Variants in SH3PXD2A observed in about 807,000 individuals in gnomAD.
The protein encoded by SH3PXD2A is SH3 and PX domain-containing protein 2A.
A neutral mutation model predicts 115.2 loss-of-function variants in SH3PXD2A; 32 were observed. That is an observed-to-expected ratio of 0.28 (90% confidence interval 0.21 to 0.37). SH3PXD2A has a LOEUF of 0.37. Ranked by LOEUF, SH3PXD2A falls within the 10% of genes least tolerant of loss-of-function variation. The probability of loss-of-function intolerance (pLI) is 1.00; values close to 1 mark genes in which losing one functional copy is unlikely to be tolerated. For missense variants in SH3PXD2A, 1,328 were observed against 1,498.7 expected (o/e 0.89, Z 1.88); for synonymous variants, 610 against 629.1 (o/e 0.97, Z 0.45).
intron 1 of SH3PXD2A, among the ~76,000 whole-genome samples, chr10:103,823,809 G>A (rs975568735): frequency 6.6e-6 from 1 of 152,202 alleles, no homozygotes; most frequent in Non-Finnish European, 1.5e-5. Flanking sequence ...GGGAGGCAGG[G>A]AGGTGCCTGC....
intron 3 of SH3PXD2A, among the ~76,000 whole-genome samples, chr10:103,758,929 T>A (rs921439935): frequency 6.6e-6 from 1 of 152,174 alleles, no homozygotes; most frequent in Non-Finnish European, 1.5e-5. Context: ...TCAACCTCTC[T>A]TCCTTGGGGG....
In SH3PXD2A at chr10:103,668,506, C is replaced by G. The variant is rs937215309; in HGVS notation, c.472+102G>C. On this transcript the variant is annotated intron_variant, in intron 7 of 14. Transcript: ENST00000369774. ...CTGCCATGCTGGCAAACAGCTGCTG[C>G]ACATCACAGGGAAGCATGCGCAGGG... is the stretch of plus-strand genomic sequence containing the variant. The G allele has an allele frequency of 4.0e-6, 4 of 1,012,264 alleles. No individual in the cohort carries two copies. In the African/African-American group the frequency reaches 6.4e-5, roughly 16 times the overall value. 62.7% of individuals were successfully genotyped at this position (1,012,264 alleles called of 1,614,324 possible). A position where few individuals can be genotyped will look rare whatever the true frequency, so the allele number is the denominator to read the frequency against.
Position 103,622,559 on chromosome 10 carries a change from G to A in SH3PXD2A, c.719-6C>T. On this transcript the variant is annotated splice_polypyrimidine_tract_variant and splice_region_variant and intron_variant, in intron 9 of 14. Transcript: ENST00000369774. ...GGCCTTGCGTCTCTTGGACACTGGTGTGGGAGATGGCGATGGAGCATGCGG... is the reference window on the plus strand; with the variant it reads ...GGCCTTGCGTCTCTTGGACACTGGTATGGGAGATGGCGATGGAGCATGCGG... The A allele has an allele frequency of 6.5e-7, 1 of 1,546,922 alleles. No homozygotes were observed. The highest frequency in any genetic ancestry group is 8.7e-7 in the Non-Finnish European group (1 of 1,143,854).
chr10:103,667,383 G>C (rs1396471281), intron 7 of SH3PXD2A, among the ~76,000 whole-genome samples: 1 of 152,176 alleles, frequency 6.6e-6, no homozygotes, highest in Non-Finnish European at 1.5e-5. Flanking sequence ...TCCCAGGCTG[G>C]ACTGGGACTG....
chr10:103,789,295 G>A (rs2039011080), intron 2 of SH3PXD2A, among the ~76,000 whole-genome samples: 1 of 152,162 alleles, frequency 6.6e-6, no homozygotes. Flanking sequence ...TACATCCTGG[G>A]CTGCCCACTT....
In SH3PXD2A at chr10:103,602,423, C is replaced by G; in HGVS notation, c.2795G>C (p.Arg932Pro). 6.2e-7 allele frequency: 1 copy of G among 1,614,140 alleles called. No individual in the cohort carries two copies. Among genetic ancestry groups the G allele is most frequent in the Non-Finnish European group, 8.5e-7 (1 of 1,180,020 alleles). Residue 932 changes from arginine (R) to proline (P), a missense_variant, in exon 15 of 15, where the codon CGC becomes CCC. By Grantham distance (103) the Arg-to-Pro change is moderately radical. Coordinates refer to ENST00000369774, the MANE Select transcript of SH3PXD2A (RefSeq NM_001394015.1). ...GTTGACGGTGTTCAGTGCTTGGACG[C>G]GCCTCTCGATCTTCTCCAGGCTGTC... ...KSDSLEKIERRVQALNTVNQS... is the reference protein window; with the variant it reads ...KSDSLEKIERPVQALNTVNQS...
At chr10:103,835,363 G>A (rs1008734893) in intron 1 of SH3PXD2A, among the ~76,000 whole-genome samples, 14 of 152,194 alleles carry the variant, frequency 9.2e-5, no homozygotes, top group African/African-American at 1.9e-4. Context: ...TCACAATGAC[G>A]AAATGTCCAC....
intron 5 of SH3PXD2A, among the ~76,000 whole-genome samples, chr10:103,705,612 G>C (rs1254875947): frequency 6.6e-6 from 1 of 152,156 alleles, no homozygotes; most frequent in Non-Finnish European, 1.5e-5. Flanking sequence ...GCTTGTGAGG[G>C]ATACAGATGG....
chr10:103,709,589 A>G (rs974677401), intron 5 of SH3PXD2A, among the ~76,000 whole-genome samples: 15 of 152,218 alleles, frequency 9.9e-5, no homozygotes, highest in African/African-American at 3.4e-4. Context: ...AACAATAGTA[A>G]CAACTGGTAC....
chr10:103,602,243 T>A lies in SH3PXD2A; in HGVS notation c.2975A>T (p.Asn992Ile), dbSNP rs764743915. 5.6e-6 allele frequency: 9 copies of A among 1,609,614 alleles called. No individual in the cohort carries two copies. The Admixed American group carries it at 1.5e-4, about 27-fold the overall frequency. The stretch of plus-strand genomic sequence containing the variant: ...ATTCCTCCGCAGGGCGCAGGACAGG[T>A]TGTTGTCCTTGGGTGGCGGGGACAC... ...VFVSPPPKDN[N>I]LSCALRRNES... The change falls in exon 15 of 15, where the codon AAC (asparagine) becomes ATC (isoleucine). Residue 992 changes from asparagine (N) to isoleucine (I), a missense_variant. By Grantham distance (149) the Asn-to-Ile change is moderately radical. Transcript: ENST00000369774.
At chr10:103,607,090 G>A (rs1440919675) in intron 13 of SH3PXD2A, among the ~76,000 whole-genome samples, 2 of 151,612 alleles carry the variant, frequency 1.3e-5, no homozygotes, top group African/African-American at 4.9e-5. Flanking sequence ...AGGAAGTGAG[G>A]AGCGTCTCTG....
rs371394208 is a variant in SH3PXD2A, at chr10:103,751,804, G to C, written c.229+15290C>G. On this transcript the variant is annotated intron_variant, in intron 3 of 14. Transcript: ENST00000369774. Reference sequence around the variant, plus strand: ...GTTTCTAGAGTCCAGAAAGAGAGAGGGTTTCTCCAAGCCCACTGGCAAGTT... The same window carrying C: ...GTTTCTAGAGTCCAGAAAGAGAGAGCGTTTCTCCAAGCCCACTGGCAAGTT... Among the ~76,000 whole-genome samples, 10 of 152,270 alleles carry C rather than the reference G, an allele frequency of 6.6e-5. No homozygotes were observed. The East Asian group carries it at 1.5e-3, about 24-fold the overall frequency.
At chr10:103,773,238 A>G (rs1433150732) in intron 2 of SH3PXD2A, among the ~76,000 whole-genome samples, 1 of 150,678 alleles carries the variant, frequency 6.6e-6, no homozygotes, top group African/African-American at 2.4e-5. Flanking sequence ...AAAAAAAAAA[A>G]AAAGAGAAAA....
Position 103,596,663 on chromosome 10 carries a change from A to ACACACACTCTCTCTCTCTCT in SH3PXD2A, c.*5152_*5153insAGAGAGAGAGAGAGTGTGTG. ...CACACACACACACACACACACACAC[A>ACACACACTCTCTCTCTCTCT]CTCTCTCTCTCTCTCTCTCTCTCAC... On this transcript the variant is annotated 3_prime_UTR_variant, in exon 15 of 15. Transcript: ENST00000369774. The ACACACACTCTCTCTCTCTCT allele has an allele frequency of 4.1e-4, 51 of 124,502 alleles. No homozygotes were observed. The highest frequency in any genetic ancestry group is 1.3e-3 in the African/African-American group (42 of 31,748). The allele number at this position is 124,502 out of a possible 1,614,324, so 7.7% of individuals were successfully genotyped here.
At chr10:103,840,388 C>A (rs1461587712) in intron 1 of SH3PXD2A, among the ~76,000 whole-genome samples, 1 of 152,178 alleles carries the variant, frequency 6.6e-6, no homozygotes, top group Non-Finnish European at 1.5e-5. Flanking sequence ...GCCACATACA[C>A]CAAGCCCACC....
intron 4 of SH3PXD2A, among the ~76,000 whole-genome samples, chr10:103,730,232 CTTT>C (rs67561170): frequency 0.18 from 21,332 of 118,188 alleles, 1,924 homozygotes; most frequent in African/African-American, 0.3. Flanking sequence ...TTTCTCGTTT[CTTT>C]TTTTTTTTTT....
At chr10:103,651,105 G>A (rs1413981382) in intron 8 of SH3PXD2A, among the ~76,000 whole-genome samples, 1 of 152,216 alleles carries the variant, frequency 6.6e-6, no homozygotes, top group South Asian at 2.1e-4. Flanking sequence ...GTCTTCCTTA[G>A]GGGGTTTGTG....
At chr10:103,680,407 T>C (rs1004686907) in intron 6 of SH3PXD2A, among the ~76,000 whole-genome samples, 1 of 151,966 alleles carries the variant, frequency 6.6e-6, no homozygotes, top group Admixed American at 6.6e-5. Context: ...CCCTCCCGAG[T>C]AGCTGAAACC....
chr10:103,697,927 TG>T (rs1031984497), intron 5 of SH3PXD2A, among the ~76,000 whole-genome samples: 1 of 152,124 alleles, frequency 6.6e-6, no homozygotes, highest in Non-Finnish European at 1.5e-5. Flanking sequence ...TATTCTTTGG[TG>T]TTCTGAAGTA....
Sources: allele counts gnomAD v4.1 joint callset (sites outside exome capture counted in the v4.1 genomes callset), GRCh38; gene constraint gnomAD v4.1.1; transcripts MANE v1.5; gene names NCBI Gene and HGNC (gene_info 2026-07-23, HGNC 2026-07-21).